BCL2: variants seen among roughly 807,000 people sequenced by gnomAD.
BCL2 encodes BCL2 apoptosis regulator.
BCL2 carries 1 observed loss-of-function variant against 14.2 expected under a neutral mutation model. The observed-to-expected ratio is 0.07, with a 90% CI of 0.02 to 0.33. The LOEUF (loss-of-function observed/expected upper bound fraction) is 0.33. BCL2 is among the 10% of genes least tolerant of loss of function. The pLI is 0.99. For synonymous variants in BCL2, 151 were observed against 137.2 expected (o/e 1.10, Z -0.70); for missense variants, 247 against 305.9 (o/e 0.81, Z 1.44).
Position 63,124,533 on chromosome 18 carries a change from G to T in BCL2, c.*4092C>A, listed in dbSNP as rs375819800. The T allele has an allele frequency of 3.9e-5, 9 of 231,606 alleles. No homozygotes were observed. Among genetic ancestry groups the T allele is most frequent in the African/African-American group, 2.0e-4 (9 of 45,242 alleles). The allele number at this position is 231,606 out of a possible 1,614,324, so 14.3% of individuals were successfully genotyped here. ...CAGGTCCTTCATACCCTTAGTTCTG[G>T]TTATTCTGAAAACTTCCAACTCCCT... On this transcript the variant is annotated 3_prime_UTR_variant, in exon 3 of 3. Transcript: ENST00000333681.
intron 2 of BCL2, among the ~76,000 whole-genome samples, chr18:63,283,136 T>A (rs2144257410): frequency 6.6e-6 from 1 of 152,358 alleles, no homozygotes; most frequent in Non-Finnish European, 1.5e-5. Flanking sequence ...AATTTCTAGT[T>A]ATTTTTTTCT....
chr18:63,270,352 T>C (rs1911970953), intron 2 of BCL2, among the ~76,000 whole-genome samples: 1 of 152,182 alleles, frequency 6.6e-6, no homozygotes, highest in Non-Finnish European at 1.5e-5. Flanking sequence ...AGTCAGGAAG[T>C]AGTTAATAAG....
chr18:63,254,703 G>A (rs770373398), intron 2 of BCL2, among the ~76,000 whole-genome samples: 2 of 152,182 alleles, frequency 1.3e-5, no homozygotes, highest in Non-Finnish European at 1.5e-5. Context: ...TAAAATATGG[G>A]TTATAGAAAA....
At position 63,145,754 on chromosome 18, in the gene BCL2, T is replaced by G. The variant is rs188801823; in HGVS notation, c.586-16995A>C. The stretch of plus-strand genomic sequence containing the variant: ...TTGGCAGTTGCATGCTGAGAGGGAA[T>G]GTGTTCAGTGCAACATCTCTAATAC... On this transcript the variant is annotated intron_variant, in intron 2 of 2. Coordinates refer to ENST00000333681, the MANE Select transcript of BCL2 (RefSeq NM_000633.3). Among the ~76,000 whole-genome samples, 4 of 152,314 alleles carry G rather than the reference T, an allele frequency of 2.6e-5. No homozygotes were observed. In the East Asian group the frequency reaches 7.7e-4, roughly 29 times the overall value.
At chr18:63,210,633 G>A (rs117809226) in intron 2 of BCL2, among the ~76,000 whole-genome samples, 1,554 of 152,310 alleles carry the variant, frequency 0.01, 15 homozygotes, top group Non-Finnish European at 0.017. Flanking sequence ...AAAGACGCTG[G>A]ATGAAAAGAT....
At chr18:63,164,147 A>C (rs897177406) in intron 2 of BCL2, among the ~76,000 whole-genome samples, 4 of 152,146 alleles carry the variant, frequency 2.6e-5, no homozygotes, top group African/African-American at 9.7e-5. Context: ...GAATGGAGTA[A>C]AATCTTCCAG....
chr18:63,189,200 A>G (rs907835823), intron 2 of BCL2, among the ~76,000 whole-genome samples: 28 of 151,800 alleles, frequency 1.8e-4, no homozygotes, highest in South Asian at 1.2e-3. Context: ...AAAAAAAAAA[A>G]AAAAAGAAAA....
chr18:63,299,807 TTC>T (rs1912907608), intron 2 of BCL2, among the ~76,000 whole-genome samples: 1 of 120,408 alleles, frequency 8.3e-6, no homozygotes, highest in Admixed American at 8.6e-5. Context: ...CTTTTTTTTT[TTC>T]TTTTTCTTTT....
At chr18:63,188,857 T>C (rs1241255784) in intron 2 of BCL2, among the ~76,000 whole-genome samples, 1 of 152,036 alleles carries the variant, frequency 6.6e-6, no homozygotes, top group Non-Finnish European at 1.5e-5. Flanking sequence ...AGACTTCCAC[T>C]TTTTCCCTCT....
intron 2 of BCL2, among the ~76,000 whole-genome samples, chr18:63,304,651 A>T (rs1411989120): frequency 6.6e-6 from 1 of 152,058 alleles, no homozygotes; most frequent in Non-Finnish European, 1.5e-5. Flanking sequence ...ACATAGGTAA[A>T]CTTGTTGGAT....
chr18:63,190,948 C>A (rs1439202019), intron 2 of BCL2, among the ~76,000 whole-genome samples: 11 of 152,152 alleles, frequency 7.2e-5, no homozygotes, highest in Non-Finnish European at 1.5e-5. Context: ...TGAGAACATG[C>A]AGTGTTTGGT....
intron 2 of BCL2, among the ~76,000 whole-genome samples, chr18:63,309,538 A>G (rs116250566): frequency 0.028 from 4,255 of 152,078 alleles, 208 homozygotes; most frequent in African/African-American, 0.098. Flanking sequence ...CAGTCCTTTG[A>G]TTCTACACGT....
At chr18:63,168,421 C>T (rs1915097100) in intron 2 of BCL2, among the ~76,000 whole-genome samples, 1 of 152,184 alleles carries the variant, frequency 6.6e-6, no homozygotes, top group South Asian at 2.1e-4. Context: ...TGCCACCTGT[C>T]AACACTGGAA....
At chr18:63,180,569 C>T (rs1041795047) in intron 2 of BCL2, among the ~76,000 whole-genome samples, 7 of 123,598 alleles carry the variant, frequency 5.7e-5, no homozygotes, top group African/African-American at 2.1e-4. Context: ...TTTCCACTTT[C>T]CCAGGCTGAC....
intron 2 of BCL2, among the ~76,000 whole-genome samples, chr18:63,287,097 C>T (rs527459048): frequency 7.9e-5 from 12 of 152,144 alleles, no homozygotes; most frequent in Non-Finnish European, 1.3e-4. Context: ...TCTACTACCC[C>T]CTTCTTGGAT....
chr18:63,227,568 T>G (rs1033780392), intron 2 of BCL2, among the ~76,000 whole-genome samples: 2 of 152,146 alleles, frequency 1.3e-5, no homozygotes, highest in Admixed American at 6.5e-5. Context: ...GGACAAAATG[T>G]ATACATTACA....
chr18:63,202,207 C>A (rs930956441), intron 2 of BCL2, among the ~76,000 whole-genome samples: 1 of 152,004 alleles, frequency 6.6e-6, no homozygotes, highest in African/African-American at 2.4e-5. Context: ...TACTTGGGTG[C>A]CTGAGGCAGG....
intron 2 of BCL2, among the ~76,000 whole-genome samples, chr18:63,156,569 C>G (rs976716699): frequency 6.6e-6 from 1 of 152,156 alleles, no homozygotes; most frequent in African/African-American, 2.4e-5. Context: ...TGTACTGGCC[C>G]CTCCAGTCTC....
At chr18:63,301,123 A>G (rs1201487630) in intron 2 of BCL2, among the ~76,000 whole-genome samples, 1 of 152,254 alleles carries the variant, frequency 6.6e-6, no homozygotes, top group Non-Finnish European at 1.5e-5. Context: ...AAGGACAAAT[A>G]TTGTCTGATT....
Sources: gnomAD v4.1 joint callset for allele counts (sites outside exome capture counted in the v4.1 genomes callset) on GRCh38, gnomAD v4.1.1 for gene constraint, MANE v1.5 for transcripts, NCBI Gene and HGNC (gene_info 2026-07-23, HGNC 2026-07-21) for gene names.